Variants in SH3D19 observed in about 807,000 individuals in gnomAD.
SH3D19 encodes SH3 domain containing 19.
Under a neutral mutation model 112.1 loss-of-function variants are expected in SH3D19, and 58 were observed. The observed-to-expected ratio is 0.52, with a 90% confidence interval of 0.42 to 0.64. The LOEUF is 0.64. Ranked by LOEUF, SH3D19 falls within the 30% of genes least tolerant of loss-of-function variation. The pLI, the probability that SH3D19 is intolerant of heterozygous loss-of-function variation, is 0.00. For missense variants in SH3D19, 1,090 were observed against 1,263.4 expected (o/e 0.86, Z 2.08); for synonymous variants, 391 against 448.5 (o/e 0.87, Z 1.62).
chr4:151,183,161 T>C (rs189918564), intron 3 of SH3D19, among the ~76,000 whole-genome samples: 1 of 151,992 alleles, frequency 6.6e-6, no homozygotes, highest in East Asian at 1.9e-4. Context: ...CGGGTTAATT[T>C]TTGTATTTTT....
At chr4:151,158,656 C>T (rs1368510926) in intron 9 of SH3D19, among the ~76,000 whole-genome samples, 1 of 149,064 alleles carries the variant, frequency 6.7e-6, no homozygotes, top group Non-Finnish European at 1.5e-5. Flanking sequence ...GTCTGTTTCC[C>T]CAAGAAACCA....
At chr4:151,187,802 T>TTTTGTG (rs201307728) in intron 2 of SH3D19, among the ~76,000 whole-genome samples, 3,422 of 152,338 alleles carry the variant, frequency 0.022, 56 homozygotes, top group Middle Eastern at 0.034. Flanking sequence ...CTTATGGCTC[T>TTTTGTG]TTTGTGTTTG....
At chr4:151,144,114 C>A in intron 11 of SH3D19, 64 bp from the exon 12 acceptor site, 1 of 1,587,736 alleles carries the variant, frequency 6.3e-7, no homozygotes, top group South Asian at 1.1e-5. Flanking sequence ...TACTTTTTCA[C>A]ATTTTAATCT....
intron 1 of SH3D19, among the ~76,000 whole-genome samples, chr4:151,257,576 A>AT (rs1772029047): frequency 6.6e-6 from 1 of 151,916 alleles, no homozygotes; most frequent in Non-Finnish European, 1.5e-5. Flanking sequence ...CTTCATCATC[A>AT]TTATTATGTT....
intron 1 of SH3D19, among the ~76,000 whole-genome samples, chr4:151,226,839 G>A (rs1769088966): frequency 1.3e-5 from 2 of 152,182 alleles, no homozygotes; most frequent in African/African-American, 2.4e-5. Context: ...TTTCAAAAGT[G>A]ACTCTCTAGA....
chr4:151,142,155 C>T (rs1020341775), intron 12 of SH3D19, among the ~76,000 whole-genome samples: 1 of 152,214 alleles, frequency 6.6e-6, no homozygotes, highest in Non-Finnish European at 1.5e-5. Flanking sequence ...CTAATATTTA[C>T]TGCTCATTCA....
At chr4:151,248,123 TTTTG>T (rs571696394) in intron 1 of SH3D19, among the ~76,000 whole-genome samples, 1 of 133,978 alleles carries the variant, frequency 7.5e-6, no homozygotes, top group Admixed American at 7.6e-5. Flanking sequence ...ACTTTTTTTT[TTTTG>T]TTTGTTTGTT....
chr4:151,324,211 CCTTTCATCCTA>C (rs1425587602), intron 1 of SH3D19, among the ~76,000 whole-genome samples: 15 of 152,156 alleles, frequency 9.9e-5, no homozygotes, highest in Admixed American at 8.5e-4. Flanking sequence ...CTCAAGTTTT[CCTTTCATCCTA>C]CTTTCTACCC....
At chr4:151,242,607 A>G (rs936136183) in intron 1 of SH3D19, among the ~76,000 whole-genome samples, 2 of 152,242 alleles carry the variant, frequency 1.3e-5, no homozygotes, top group African/African-American at 4.8e-5. Flanking sequence ...ATTTTTATTA[A>G]TAAGTAGGAG....
chr4:151,221,103 GA>G (rs946367912), intron 2 of SH3D19, among the ~76,000 whole-genome samples: 1 of 152,152 alleles, frequency 6.6e-6, no homozygotes, highest in Non-Finnish European at 1.5e-5. Context: ...CCTTTAACTT[GA>G]CAAGAATTAT....
chr4:151,216,770 C>T (rs2149923911), intron 2 of SH3D19, among the ~76,000 whole-genome samples: 1 of 152,222 alleles, frequency 6.6e-6, no homozygotes, highest in East Asian at 1.9e-4. Context: ...GCCAATAAAA[C>T]TTTTCAATTA....
chr4:151,318,101 A>G (rs1730169969), intron 1 of SH3D19, among the ~76,000 whole-genome samples: 1 of 151,606 alleles, frequency 6.6e-6, no homozygotes. Context: ...TTCAAGACCA[A>G]CCTGGCCAAT....
intron 1 of SH3D19, chr4:151,283,249 G>C (rs759254563): frequency 6.2e-7 from 1 of 1,613,764 alleles, no homozygotes; most frequent in Admixed American, 1.7e-5. Flanking sequence ...GACAAGATTT[G>C]TGCTGGTGAT....
At chr4:151,277,659 A>G (rs574540980) in intron 1 of SH3D19, among the ~76,000 whole-genome samples, 1 of 152,180 alleles carries the variant, frequency 6.6e-6, no homozygotes, top group African/African-American at 2.4e-5. Context: ...GAGCATCTCA[A>G]GCAGAGGGAA....
intron 13 of SH3D19, 117 bp from the exon 14 acceptor site, chr4:151,137,979 A>G (rs1173247476): frequency 1.3e-6 from 1 of 758,700 alleles, no homozygotes; most frequent in Non-Finnish European, 2.0e-6. Flanking sequence ...TGATTCTGAG[A>G]ACAGATTATA....
At chr4:151,138,973 A>T (rs897608017) in intron 13 of SH3D19, among the ~76,000 whole-genome samples, 79 of 151,728 alleles carry the variant, frequency 5.2e-4, no homozygotes, top group African/African-American at 1.6e-3. Context: ...GATTACAGGC[A>T]TGCGTCACCA....
intron 2 of SH3D19, among the ~76,000 whole-genome samples, chr4:151,192,746 C>T (rs1314179504): frequency 6.6e-6 from 1 of 152,128 alleles, no homozygotes. Flanking sequence ...AAAACACAGA[C>T]CTCTGTTCCT....
At chr4:151,207,114 G>A (rs1184824891) in intron 2 of SH3D19, among the ~76,000 whole-genome samples, 4 of 152,194 alleles carry the variant, frequency 2.6e-5, no homozygotes, top group African/African-American at 9.7e-5. Flanking sequence ...TGGAAACCTG[G>A]CCATAGGTGC....
At chr4:151,304,639 A>G (rs1278757792) in intron 1 of SH3D19, among the ~76,000 whole-genome samples, 2 of 152,242 alleles carry the variant, frequency 1.3e-5, no homozygotes, top group Non-Finnish European at 2.9e-5. Flanking sequence ...CTGCACAAGG[A>G]TAACAGTTGG....
Sources: allele counts gnomAD v4.1 joint callset (sites outside exome capture counted in the v4.1 genomes callset), GRCh38; gene constraint gnomAD v4.1.1; transcripts MANE v1.5; gene names NCBI Gene and HGNC (gene_info 2026-07-23, HGNC 2026-07-21).